The following PRKCB variants were observed in gnomAD, a reference collection of about 807,000 sequenced individuals.
PRKCB encodes the protein protein kinase C beta, also known as protein kinase C beta type.
PRKCB carries 13 observed loss-of-function variants against 81.5 expected under a neutral mutation model. The observed-to-expected ratio is 0.16, with a 90% confidence interval of 0.10 to 0.25. The LOEUF (loss-of-function observed/expected upper bound fraction) is 0.25. PRKCB is among the 10% of genes least tolerant of loss of function. The pLI, the probability that PRKCB is intolerant of heterozygous loss-of-function variation, is 1.00. For missense variants in PRKCB, 509 were observed against 875.7 expected (o/e 0.58, Z 5.29); for synonymous variants, 335 against 321.4 (o/e 1.04, Z -0.45).
At chr16:24,032,288 A>G in intron 4 of PRKCB, 41 bp downstream of exon 4, 1 of 1,410,506 alleles carries the variant, frequency 7.1e-7, no homozygotes, top group Non-Finnish European at 1.0e-6. Flanking sequence ...CTGATGGCAG[A>G]AGCAATGGGA....
intron 3 of PRKCB, among the ~76,000 whole-genome samples, chr16:24,023,525 C>T (rs1202817030): frequency 6.6e-6 from 1 of 152,116 alleles, no homozygotes; most frequent in Admixed American, 6.5e-5. Flanking sequence ...CCCGCCACCA[C>T]GCCCGGCTAA....
chr16:24,152,369 C>T (rs1206248273), intron 9 of PRKCB, among the ~76,000 whole-genome samples: 4 of 152,142 alleles, frequency 2.6e-5, no homozygotes, highest in Non-Finnish European at 4.4e-5. Flanking sequence ...TCCCACAACA[C>T]GTGGAAATTA....
intron 3 of PRKCB, among the ~76,000 whole-genome samples, chr16:24,008,707 C>T (rs1364562060): frequency 1.3e-5 from 2 of 152,026 alleles, no homozygotes; most frequent in Admixed American, 6.6e-5. Flanking sequence ...GGAAAGAACA[C>T]GTAACATGAA....
intron 5 of PRKCB, among the ~76,000 whole-genome samples, chr16:24,051,011 G>A (rs1237046640): frequency 6.6e-6 from 1 of 151,870 alleles, no homozygotes; most frequent in Non-Finnish European, 1.5e-5. Context: ...TTTGCTCCAC[G>A]GCCAGGCTGA....
At chr16:24,075,296 G>A (rs948798005) in intron 5 of PRKCB, among the ~76,000 whole-genome samples, 16 of 152,154 alleles carry the variant, frequency 1.1e-4, no homozygotes, top group African/African-American at 3.6e-4. Context: ...AACTGTAATA[G>A]GTTCACTGCC....
chr16:24,185,639 C>A, intron 15 of PRKCB, 72 bp downstream of exon 15: 1 of 1,297,722 alleles, frequency 7.7e-7, no homozygotes, highest in Non-Finnish European at 1.1e-6. Flanking sequence ...TGCCCAAGAA[C>A]ACCCCACCAG....
rs150392794 is a variant in PRKCB, at chr16:24,059,426, G to A, written c.529+23879G>A. ...TAATCCCAGCACTTTGGGAGTCTGA[G>A]GCAGAAGGATCGCTTGAGCCCAGGA... On this transcript the variant is annotated intron_variant, in intron 5 of 16. Coordinates refer to ENST00000643927, the MANE Select transcript of PRKCB (RefSeq NM_002738.7). Among the ~76,000 whole-genome samples, 1,203 of 152,218 alleles carry A rather than the reference G, an allele frequency of 7.9e-3. 21 individuals are homozygous for A. The highest frequency in any genetic ancestry group is 0.027 in the African/African-American group (1,125 of 41,530).
At chr16:23,991,687 C>T (rs140621595) in intron 3 of PRKCB, among the ~76,000 whole-genome samples, 2 of 152,294 alleles carry the variant, frequency 1.3e-5, no homozygotes, top group Non-Finnish European at 2.9e-5. Context: ...TCCTCAAGAA[C>T]CTGTTTCTCC....
intron 3 of PRKCB, among the ~76,000 whole-genome samples, chr16:24,016,694 T>C (rs147899728): frequency 2.0e-5 from 3 of 152,276 alleles, no homozygotes; most frequent in South Asian, 2.1e-4. Context: ...AAAAATCTTT[T>C]CTGGAAAAAC....
chr16:24,067,274 A>G (rs192824256), intron 5 of PRKCB, among the ~76,000 whole-genome samples: 1 of 152,146 alleles, frequency 6.6e-6, no homozygotes, highest in African/African-American at 2.4e-5. Flanking sequence ...CAGTGTCTGA[A>G]TCACCCATGG....
chr16:23,994,369 C>G (rs1964928847), intron 3 of PRKCB, among the ~76,000 whole-genome samples: 1 of 152,182 alleles, frequency 6.6e-6, no homozygotes, highest in Non-Finnish European at 1.5e-5. Context: ...ACATACTTAG[C>G]AGTTGGCAGA....
At position 24,209,742 on chromosome 16, in the gene PRKCB, T is replaced by C. The variant is rs79257098; in HGVS notation, c.1864-4916T>C. 8.0e-3 allele frequency among the ~76,000 whole-genome samples: 1,221 copies of C among 152,270 alleles called. 19 individuals carry two copies. The highest frequency in any genetic ancestry group is 0.028 in the African/African-American group (1,146 of 41,536). ...ATCATAACCACCTCCTCACTGGTTG[T>C]ACTGTTTCCACTATTGTCCCCCGCT... On this transcript the variant is annotated intron_variant, in intron 16 of 16. Transcript: ENST00000643927.
intron 5 of PRKCB, among the ~76,000 whole-genome samples, chr16:24,076,203 G>A (rs1301847451): frequency 6.6e-6 from 1 of 152,198 alleles, no homozygotes; most frequent in Non-Finnish European, 1.5e-5. Flanking sequence ...AAGGGGAGTT[G>A]TTTGGAGCAT....
At chr16:24,026,332 T>C (rs987994818) in intron 3 of PRKCB, among the ~76,000 whole-genome samples, 3 of 152,096 alleles carry the variant, frequency 2.0e-5, no homozygotes, top group African/African-American at 7.2e-5. Flanking sequence ...AACACAGAAA[T>C]GTGTTTCCTT....
At chr16:24,202,100 G>A (rs952058068) in intron 16 of PRKCB, among the ~76,000 whole-genome samples, 2 of 152,068 alleles carry the variant, frequency 1.3e-5, no homozygotes, top group Admixed American at 1.3e-4. Context: ...GACAATGCCT[G>A]CTGGCTGGGC....
At chr16:24,044,794 C>T (rs1965744722) in intron 5 of PRKCB, among the ~76,000 whole-genome samples, 1 of 152,186 alleles carries the variant, frequency 6.6e-6, no homozygotes, top group Non-Finnish European at 1.5e-5. Flanking sequence ...TTACTGAAAA[C>T]ATTTGGCAGT....
chr16:23,954,237 C>A (rs1964321926), intron 2 of PRKCB, among the ~76,000 whole-genome samples: 2 of 151,890 alleles, frequency 1.3e-5, no homozygotes, highest in Admixed American at 6.6e-5. Flanking sequence ...GCATGAGACA[C>A]CACGCCTGAC....
At chr16:24,057,050 G>A (rs1004112079) in intron 5 of PRKCB, among the ~76,000 whole-genome samples, 1 of 152,178 alleles carries the variant, frequency 6.6e-6, no homozygotes, top group African/African-American at 2.4e-5. Context: ...TGTGGTGGGT[G>A]TCTATGATCA....
chr16:24,170,469 G>A (rs16973340), intron 10 of PRKCB, among the ~76,000 whole-genome samples: 4,688 of 152,036 alleles, frequency 0.031, 252 homozygotes, highest in African/African-American at 0.11. Flanking sequence ...TCCCAAATTC[G>A]TTAGCGCAGA....
Sources: allele counts gnomAD v4.1 joint callset (sites outside exome capture counted in the v4.1 genomes callset), GRCh38; gene constraint gnomAD v4.1.1; transcripts MANE v1.5; gene names NCBI Gene and HGNC (gene_info 2026-07-23, HGNC 2026-07-21).